The following ZNF407 variants were observed in gnomAD, a reference collection of about 807,000 sequenced individuals.
ZNF407 encodes the protein zinc finger protein 407.
Under a neutral mutation model 131.2 loss-of-function variants are expected in ZNF407, and 17 were observed. The ratio of observed to expected loss-of-function variants is 0.13; its 90% CI spans 0.09 to 0.19. The LOEUF (loss-of-function observed/expected upper bound fraction) is 0.19. Among genes scored for constraint, ZNF407 ranks in the 10% least tolerant of loss-of-function variants. ZNF407 has a pLI of 1.00. For missense variants in ZNF407, 2,681 were observed against 2,830.6 expected (o/e 0.95, Z 1.20); for synonymous variants, 1,156 against 1,062.0 (o/e 1.09, Z -1.72).
intron 4 of ZNF407, among the ~76,000 whole-genome samples, chr18:74,791,277 C>T (rs1568217416): frequency 6.6e-6 from 1 of 152,144 alleles, no homozygotes; most frequent in South Asian, 2.1e-4. Flanking sequence ...AAGCTAAAAA[C>T]AGTCAAATAT....
intron 4 of ZNF407, among the ~76,000 whole-genome samples, chr18:74,830,610 T>C (rs1970468985): frequency 6.6e-6 from 1 of 152,214 alleles, no homozygotes; most frequent in Non-Finnish European, 1.5e-5. Flanking sequence ...CGAATAATGT[T>C]TGTACATAGG....
rs535532767 is a variant in ZNF407, at chr18:74,691,831, C to T, written c.4802+50709C>T. Among the ~76,000 whole-genome samples the T allele has an allele frequency of 8.5e-5, 13 of 152,078 alleles. 1 individual carries two copies. The highest frequency in any genetic ancestry group is 3.1e-4 in the African/African-American group (13 of 41,394). ...TTTATGGGCCGAGTTTGTCAGCTCA[C>T]GCCTGTAATCCCAGCACTTTGGGAG... is the stretch of plus-strand genomic sequence containing the variant. On this transcript the variant is annotated intron_variant, in intron 3 of 8. Coordinates refer to ENST00000299687, the MANE Select transcript of ZNF407 (RefSeq NM_017757.3).
intron 6 of ZNF407, among the ~76,000 whole-genome samples, chr18:74,882,586 A>C (rs1427856293): frequency 6.6e-6 from 1 of 152,244 alleles, no homozygotes; most frequent in Non-Finnish European, 1.5e-5. Context: ...TATGAATATG[A>C]TTCAGATTTT....
chr18:74,812,391 C>G (rs1970209597), intron 4 of ZNF407, among the ~76,000 whole-genome samples: 1 of 152,160 alleles, frequency 6.6e-6, no homozygotes, highest in Admixed American at 6.5e-5. Context: ...TGTAATCCCC[C>G]TCTACACCCA....
intron 1 of ZNF407, among the ~76,000 whole-genome samples, chr18:74,599,332 G>A (rs1982470828): frequency 6.6e-6 from 1 of 152,024 alleles, no homozygotes; most frequent in Admixed American, 6.6e-5. Context: ...CTTTATTTCG[G>A]AATAAATTAA....
intron 3 of ZNF407, among the ~76,000 whole-genome samples, chr18:74,761,887 G>T (rs528450871): frequency 6.6e-6 from 1 of 152,220 alleles, no homozygotes; most frequent in African/African-American, 2.4e-5. Flanking sequence ...CTGTTTTCAT[G>T]TATCTGTCTG....
At chr18:75,012,149 G>A (rs556136792) in intron 8 of ZNF407, among the ~76,000 whole-genome samples, 14 of 152,084 alleles carry the variant, frequency 9.2e-5, no homozygotes, top group African/African-American at 3.1e-4. Context: ...AGAATGTATC[G>A]TCAATACATT....
At chr18:75,052,663 T>G (rs1320221650) in intron 8 of ZNF407, among the ~76,000 whole-genome samples, 1 of 152,248 alleles carries the variant, frequency 6.6e-6, no homozygotes, top group Non-Finnish European at 1.5e-5. Context: ...GTCAGCCGCC[T>G]GATAGAGCTC....
At chr18:74,920,922 T>A in intron 8 of ZNF407, 1 of 1,213,104 alleles carries the variant, frequency 8.2e-7, no homozygotes, top group South Asian at 4.1e-5. Context: ...GAGTAATTAT[T>A]TGATGACTGT....
At chr18:74,907,056 G>T (rs1971606207) in intron 7 of ZNF407, among the ~76,000 whole-genome samples, 1 of 152,088 alleles carries the variant, frequency 6.6e-6, no homozygotes, top group South Asian at 2.1e-4. Flanking sequence ...GTATATTTTT[G>T]AAAAGCTGAA....
intron 8 of ZNF407, among the ~76,000 whole-genome samples, chr18:75,038,411 T>G (rs1287479072): frequency 2.0e-5 from 3 of 152,232 alleles, no homozygotes; most frequent in Non-Finnish European, 2.9e-5. Context: ...AAAACTACCT[T>G]GTACTCCTTT....
intron 7 of ZNF407, among the ~76,000 whole-genome samples, chr18:74,915,353 C>CGTGT (rs1971735521): frequency 1.3e-5 from 1 of 74,076 alleles, no homozygotes; most frequent in African/African-American, 5.6e-5. Context: ...TGTGTGTGTG[C>CGTGT]ATGTGTGTGC....
chr18:74,610,825 A>G (rs1983028318), intron 1 of ZNF407, among the ~76,000 whole-genome samples: 1 of 152,116 alleles, frequency 6.6e-6, no homozygotes, highest in African/African-American at 2.4e-5. Flanking sequence ...AAGTGCTGAT[A>G]TTACAGGCAT....
chr18:74,864,941 TACTC>T (rs1273731785), intron 4 of ZNF407, among the ~76,000 whole-genome samples: 3 of 152,242 alleles, frequency 2.0e-5, no homozygotes, highest in Non-Finnish European at 4.4e-5. Flanking sequence ...ATTGTGTTGT[TACTC>T]ACTGCTAAGA....
At chr18:75,060,026 A>G (rs1390163275) in intron 8 of ZNF407, 1 of 152,238 alleles carries the variant, frequency 6.6e-6, no homozygotes, top group Admixed American at 6.5e-5. Flanking sequence ...CCAACCCTCA[A>G]AACTCCTTTG....
At chr18:74,749,179 A>G (rs747983912) in intron 3 of ZNF407, among the ~76,000 whole-genome samples, 5 of 152,280 alleles carry the variant, frequency 3.3e-5, no homozygotes, top group Non-Finnish European at 5.9e-5. Flanking sequence ...AATAGCTTCC[A>G]TCTCAGTCAA....
chr18:74,940,604 A>G (rs1972086317), intron 8 of ZNF407, among the ~76,000 whole-genome samples: 1 of 152,224 alleles, frequency 6.6e-6, no homozygotes. Flanking sequence ...GAGAAGCGAC[A>G]TGGTAAGATT....
intron 8 of ZNF407, among the ~76,000 whole-genome samples, chr18:74,986,336 C>G (rs867966312): frequency 1.6e-4 from 25 of 152,102 alleles, no homozygotes; most frequent in South Asian, 6.2e-4. Context: ...GTCATGTACT[C>G]TGTTACCAAA....
chr18:74,822,172 G>A (rs1017084020), intron 4 of ZNF407, among the ~76,000 whole-genome samples: 4 of 152,110 alleles, frequency 2.6e-5, no homozygotes, highest in African/African-American at 9.7e-5. Context: ...TTAGCCCTCT[G>A]TCAGATGGAT....
Sources: gnomAD v4.1 joint callset for allele counts (sites outside exome capture counted in the v4.1 genomes callset) on GRCh38, gnomAD v4.1.1 for gene constraint, MANE v1.5 for transcripts, NCBI Gene and HGNC (gene_info 2026-07-23, HGNC 2026-07-21) for gene names.